The following SEC23A variants were observed in gnomAD, a reference collection of about 807,000 sequenced individuals.
SEC23A encodes SEC23 homolog A, COPII component.
A neutral mutation model predicts 103.7 loss-of-function variants in SEC23A; 56 were observed. The ratio of observed to expected loss-of-function variants is 0.54; its 90% CI spans 0.44 to 0.67. The LOEUF is 0.67. SEC23A is among the 30% of genes least tolerant of loss of function. The probability of loss-of-function intolerance (pLI) is 0.00; values close to 1 mark genes in which losing one functional copy is unlikely to be tolerated. For missense variants in SEC23A, 784 were observed against 936.4 expected (o/e 0.84, Z 2.12); for synonymous variants, 281 against 293.0 (o/e 0.96, Z 0.42).
Position 39,060,868 on chromosome 14 carries a change from C to A in SEC23A, c.1505+897G>T, listed in dbSNP as rs17108783. ...GGGCCTTATTATTCCCTTCTGGGGA[C>A]CCTGCCTATATCAATAAATTAGAAC... On this transcript the variant is annotated intron_variant, in intron 13 of 19. Transcript: ENST00000307712. Among the ~76,000 whole-genome samples, 1,305 of 152,186 alleles carry A rather than the reference C, an allele frequency of 8.6e-3. 21 individuals are homozygous for A. The highest frequency in any genetic ancestry group is 0.029 in the African/African-American group (1,212 of 41,510).
intron 9 of SEC23A, among the ~76,000 whole-genome samples, chr14:39,069,082 A>G (rs1163064188): frequency 6.6e-6 from 1 of 152,172 alleles, no homozygotes; most frequent in Admixed American, 6.6e-5. Context: ...ATCCTAGATT[A>G]ATGACAATTT....
chr14:39,045,399 T>G, intron 15 of SEC23A, 75 bp from the exon 16 acceptor site: 2 of 1,085,242 alleles, frequency 1.8e-6, no homozygotes, highest in Non-Finnish European at 2.7e-6. Flanking sequence ...GCAAAAATAT[T>G]TGATTACAAA....
chr14:39,091,470 T>C lies in SEC23A; in HGVS notation c.603+7A>G, dbSNP rs529960130. The C allele has an allele frequency of 7.2e-5, 115 of 1,600,706 alleles. 1 individual carries two copies. Among genetic ancestry groups the C allele is most frequent in the Non-Finnish European group, 9.2e-5 (107 of 1,167,850 alleles). On this transcript the variant is annotated splice_region_variant and intron_variant, in intron 5 of 19. Coordinates refer to ENST00000307712, the MANE Select transcript of SEC23A (RefSeq NM_006364.4). ...GATAGGTAAAAACTACCATTCTTGT[T>C]GTTTACCTGCAGTTGTTTGGCAGAC...
chr14:39,090,199 T>C (rs944433268), intron 5 of SEC23A, among the ~76,000 whole-genome samples: 4 of 152,192 alleles, frequency 2.6e-5, no homozygotes, highest in Admixed American at 2.0e-4. Flanking sequence ...AGTCTGATTT[T>C]ACATCTGTCA....
chr14:39,050,156 C>T (rs1886007854), intron 14 of SEC23A, among the ~76,000 whole-genome samples: 1 of 152,126 alleles, frequency 6.6e-6, no homozygotes, highest in Non-Finnish European at 1.5e-5. Context: ...CCAACCAAAA[C>T]ACTAATACCG....
intron 9 of SEC23A, among the ~76,000 whole-genome samples, chr14:39,068,511 T>C (rs1886747045): frequency 6.6e-6 from 1 of 152,194 alleles, no homozygotes; most frequent in South Asian, 2.1e-4. Flanking sequence ...TTTGAAATAC[T>C]GTATTTCAAA....
At chr14:39,101,096 G>A (rs572259291) in intron 1 of SEC23A, among the ~76,000 whole-genome samples, 9 of 150,292 alleles carry the variant, frequency 6.0e-5, no homozygotes, top group East Asian at 4.1e-4. Flanking sequence ...GGCCTGCCTC[G>A]GCCTCCCAAA....
At position 39,033,249 on chromosome 14, in the gene SEC23A, C is replaced by T; in HGVS notation, c.2288G>A (p.Ser763Asn). 6.2e-7 allele frequency: 1 copy of T among 1,609,224 alleles called. No homozygotes were observed. The highest frequency in any genetic ancestry group is 8.5e-7 in the Non-Finnish European group (1 of 1,175,602). The change falls in exon 20 of 20, where the codon AGT (serine) becomes AAT (asparagine). Residue 763 changes from serine to asparagine, a missense_variant. By Grantham distance (46) the Ser-to-Asn change is conservative (BLOSUM62 1). Coordinates refer to ENST00000307712, the MANE Select transcript of SEC23A (RefSeq NM_006364.4). Reference protein sequence around the residue: ...MDHLKKLAVSSAA With the variant: ...MDHLKKLAVSNAA Reference sequence around the variant, plus strand: ...AACATTATTAGCACTTCAAGCAGCACTGGACACAGCAAGTTTCTTCAAGTG... The same window carrying T: ...AACATTATTAGCACTTCAAGCAGCATTGGACACAGCAAGTTTCTTCAAGTG...
Position 39,042,836 on chromosome 14 carries a change from G to A in SEC23A, c.1936C>T (p.Arg646Cys), listed in dbSNP as rs575894530. 31 of 1,612,512 alleles carry A rather than the reference G, an allele frequency of 1.9e-5. No individual in the cohort carries two copies. Among genetic ancestry groups the A allele is most frequent in the South Asian group, 4.4e-5 (4 of 91,022 alleles). The change falls in exon 17 of 20, where the codon CGT becomes TGT. Residue 646 changes from arginine (R) to cysteine (C), a missense_variant. Arg to Cys is a radical substitution (Grantham distance 180, BLOSUM62 -3). Coordinates refer to ENST00000307712, the MANE Select transcript of SEC23A (RefSeq NM_006364.4). ...AAGAATGTGTCCATGAGAAGAATACGATCTGCAAGAATGCTACTGCTATCA... is the reference window on the plus strand; with the variant it reads ...AAGAATGTGTCCATGAGAAGAATACAATCTGCAAGAATGCTACTGCTATCA... Reference protein sequence around the residue: ...LLDSSSILADRILLMDTFFQI... With the variant: ...LLDSSSILADCILLMDTFFQI...
chr14:39,036,266 G>A (rs1007775506), intron 19 of SEC23A, among the ~76,000 whole-genome samples: 2 of 136,994 alleles, frequency 1.5e-5, no homozygotes, highest in Non-Finnish European at 3.0e-5. Flanking sequence ...AGGTTGCAGC[G>A]AGTCGAGATC....
chr14:39,074,069 G>A (rs978922773), intron 9 of SEC23A, among the ~76,000 whole-genome samples: 1 of 152,282 alleles, frequency 6.6e-6, no homozygotes, highest in Middle Eastern at 3.4e-3. Flanking sequence ...GGTGATGGCT[G>A]TGCATCCTGT....
chr14:39,090,542 C>A (rs1225756452), intron 5 of SEC23A, among the ~76,000 whole-genome samples: 1 of 152,148 alleles, frequency 6.6e-6, no homozygotes, highest in East Asian at 1.9e-4. Flanking sequence ...AGTTCCTACA[C>A]TAAAAATCGT....
chr14:39,040,581 T>C (rs1169572203), intron 18 of SEC23A, 151 bp downstream of exon 18: 6 of 931,194 alleles, frequency 6.4e-6, no homozygotes, highest in South Asian at 2.9e-5. Flanking sequence ...CAAAAGCTAA[T>C]GCAAAAAGTA....
chr14:39,094,305 T>C (rs534179163), intron 2 of SEC23A, among the ~76,000 whole-genome samples: 1 of 96,784 alleles, frequency 1.0e-5, no homozygotes, highest in Admixed American at 1.2e-4. Context: ...TATATACACA[T>C]ATACATATAT....
intron 5 of SEC23A, among the ~76,000 whole-genome samples, chr14:39,089,643 C>G (rs1429576605): frequency 6.6e-6 from 1 of 152,094 alleles, no homozygotes; most frequent in African/African-American, 2.4e-5. Context: ...CCTTCATTAC[C>G]TTCAACAAAC....
Position 39,091,864 on chromosome 14 carries a change from G to A in SEC23A, c.367-151C>T, listed in dbSNP as rs1247672920. 7.5e-6 allele frequency: 5 copies of A among 663,878 alleles called. No homozygotes were observed. In the Admixed American group the frequency reaches 1.2e-4, roughly 16 times the overall value. The allele number at this position is 663,878 out of a possible 1,614,324, so 41.1% of individuals were successfully genotyped here. A position where few individuals can be genotyped will look rare whatever the true frequency, so the allele number is the denominator to read the frequency against. On this transcript the variant is annotated intron_variant, in intron 4 of 19. Transcript: ENST00000307712. ...CAGGTTATTTCTACTGTCATGGAGA[G>A]AGATCTAAGACATATCATCAGGTGA... is the stretch of plus-strand genomic sequence containing the variant.
intron 5 of SEC23A, 62 bp from the exon 6 acceptor site, chr14:39,087,070 T>G: frequency 6.1e-6 from 6 of 976,290 alleles, no homozygotes; most frequent in Non-Finnish European, 1.0e-5. Flanking sequence ...TATCAACTAT[T>G]TATCATGTAT....
chr14:39,069,775 C>T (rs1471857286), intron 9 of SEC23A, among the ~76,000 whole-genome samples: 1 of 152,052 alleles, frequency 6.6e-6, no homozygotes, highest in Non-Finnish European at 1.5e-5. Flanking sequence ...GGTACATTCT[C>T]AACTTTGTAC....
rs138834890 is a variant in SEC23A at position 39,060,652 on chromosome 14, A to G, written c.1505+1113T>C. The stretch of plus-strand genomic sequence containing the variant: ...TCCACAATTATTTTCCTTTTGTTTT[A>G]TACTTCACAAATACACAGAGATACC... On this transcript the variant is annotated intron_variant, in intron 13 of 19. Coordinates refer to ENST00000307712, the MANE Select transcript of SEC23A (RefSeq NM_006364.4). 9.2e-5 allele frequency among the ~76,000 whole-genome samples: 14 copies of G among 152,344 alleles called. No homozygotes were observed. In the East Asian group the frequency reaches 2.5e-3, roughly 27 times the overall value.
Sources: gnomAD v4.1 joint callset for allele counts (sites outside exome capture counted in the v4.1 genomes callset) on GRCh38, gnomAD v4.1.1 for gene constraint, MANE v1.5 for transcripts, NCBI Gene and HGNC (gene_info 2026-07-23, HGNC 2026-07-21) for gene names.